The following AHCTF1 variants were observed in gnomAD, a reference collection of about 807,000 sequenced individuals.
The protein encoded by AHCTF1 is protein ELYS.
Under a neutral mutation model 248.4 loss-of-function variants are expected in AHCTF1, and 24 were observed. The observed-to-expected ratio is 0.10, with a 90% CI of 0.07 to 0.14. The LOEUF (loss-of-function observed/expected upper bound fraction) is 0.14. Ranked by LOEUF, AHCTF1 falls within the 10% of genes least tolerant of loss-of-function variation. The probability of loss-of-function intolerance (pLI) is 1.00; values close to 1 mark genes in which losing one functional copy is unlikely to be tolerated. For synonymous variants in AHCTF1, 786 were observed against 929.8 expected (o/e 0.85, Z 2.81); for missense variants, 2,206 against 2,636.2 (o/e 0.84, Z 3.57).
At position 246,849,880 on chromosome 1, in the gene AHCTF1, C is replaced by G; in HGVS notation, c.6126G>C (p.Met2042Ile). 1 of 1,613,934 alleles carries G rather than the reference C, an allele frequency of 6.2e-7. No individual in the cohort carries two copies. The highest frequency in any genetic ancestry group is 8.5e-7 in the Non-Finnish European group (1 of 1,179,864). ...TTTTTGTAAGTTTTTTCTTAGAGCT[C>G]ATCACCATCGAAAGTTCCTCGTTTG... is the stretch of plus-strand genomic sequence containing the variant. ...LVPNEELSMV[M>I]SSKKKLTKKT... Residue 2042 changes from methionine to isoleucine, a missense_variant, in exon 33 of 36, where the codon ATG (methionine) becomes ATC (isoleucine). Physicochemically the swap from Met to Ile is conservative, Grantham distance 10. Transcript: ENST00000648844.
At position 246,842,683 on chromosome 1, in the gene AHCTF1, G is replaced by A; in HGVS notation, c.6608+11C>T. On this transcript the variant is annotated intron_variant, in intron 35 of 35. Transcript: ENST00000648844. ...CAATCAATCAATCAAGAACAGAACA[G>A]AAAGTCATACTTGCTTGCTTGTTTT... is the stretch of plus-strand genomic sequence containing the variant. 6.2e-7 allele frequency: 1 copy of A among 1,611,692 alleles called. No homozygotes were observed.
chr1:246,920,164 A>AAAAAG (rs1666434485), intron 1 of AHCTF1, among the ~76,000 whole-genome samples: 2 of 149,448 alleles, frequency 1.3e-5, no homozygotes, highest in East Asian at 1.9e-4. Flanking sequence ...AAAAAAAAAA[A>AAAAAG]AAAAGAAAAG....
rs139206093 is a variant in AHCTF1 at position 246,880,791 on chromosome 1, T to A, written c.2661-3489A>T. Among the ~76,000 whole-genome samples, 86 of 152,296 alleles carry A rather than the reference T, an allele frequency of 5.6e-4. 1 individual carries two copies. In the East Asian group the frequency reaches 0.016, roughly 29 times the overall value. ...ACTTCAAGAAATCCATTGCCAACAT[T>A]TAACAAATGTTTTAAAACAAAGTCT... is the stretch of plus-strand genomic sequence containing the variant. On this transcript the variant is annotated intron_variant, in intron 21 of 35. Transcript: ENST00000648844.
At chr1:246,856,878 C>T (rs7525627) in intron 30 of AHCTF1, among the ~76,000 whole-genome samples, 29,544 of 152,070 alleles carry the variant, frequency 0.19, 3,250 homozygotes, top group East Asian at 0.43. Flanking sequence ...TATAAAGTAA[C>T]GAACCATTTA....
At chr1:246,891,571 A>G (rs1255875526) in intron 15 of AHCTF1, among the ~76,000 whole-genome samples, 1 of 152,208 alleles carries the variant, frequency 6.6e-6, no homozygotes, top group African/African-American at 2.4e-5. Flanking sequence ...AGAATTTCCC[A>G]AGCTTATTTA....
At position 246,853,114 on chromosome 1, in the gene AHCTF1, G is replaced by A; in HGVS notation, c.4540C>T (p.Pro1514Ser). The A allele has an allele frequency of 3.1e-6, 5 of 1,609,402 alleles. No homozygotes were observed. The highest frequency in any genetic ancestry group is 2.2e-5 in the East Asian group (1 of 44,844). ...ACATGAATTTCTTGAGTATCAGGAG[G>A]GCTGTCAGAAATTGGAAGCTTTTCT... ...PEEKLPISDS[P>S]PDTQEIHVIE... Residue 1514 changes from proline to serine, a missense_variant, in exon 32 of 36, where the codon CCT becomes TCT. Transcript: ENST00000648844.
At position 246,850,686 on chromosome 1, in the gene AHCTF1, T is replaced by C; in HGVS notation, c.5320A>G (p.Lys1774Glu). The change falls in exon 33 of 36, where the codon AAG (lysine) becomes GAG (glutamate). Residue 1774 changes from lysine to glutamate, a missense_variant. Lys to Glu is a moderately conservative substitution (Grantham distance 56, BLOSUM62 1). This residue lies in a region of AHCTF1 where 955 missense variants were observed against 1,055.6 expected (regional missense o/e 0.90). Coordinates refer to ENST00000648844, the MANE Select transcript of AHCTF1 (RefSeq NM_001323342.2). The part of the protein sequence containing the change: ...TPKMPGQSVR[K>E]KTRKAKEISE... The stretch of plus-strand genomic sequence containing the variant: ...ATTTCTTTTGCCTTCCTAGTTTTCT[T>C]CCTGACTGACTGCCCTGGCATCTTA... 1 of 1,614,012 alleles carries C rather than the reference T, an allele frequency of 6.2e-7. No individual in the cohort carries two copies. Among genetic ancestry groups the C allele is most frequent in the Non-Finnish European group, 8.5e-7 (1 of 1,179,884 alleles).
At chr1:246,898,472 C>A (rs1664759503) in intron 11 of AHCTF1, 136 bp from the exon 12 acceptor site, 2 of 978,904 alleles carry the variant, frequency 2.0e-6, no homozygotes, top group East Asian at 2.7e-5. Flanking sequence ...ATATTTCCTG[C>A]AAGAAACAGA....
chr1:246,869,790 G>C (rs1369737309), intron 24 of AHCTF1, among the ~76,000 whole-genome samples: 1 of 152,114 alleles, frequency 6.6e-6, no homozygotes, highest in Non-Finnish European at 1.5e-5. Flanking sequence ...ATGATGTACA[G>C]GGAGACGAAT....
intron 1 of AHCTF1, among the ~76,000 whole-genome samples, chr1:246,923,422 TAAATA>T (rs1281641127): frequency 1.4e-5 from 2 of 147,982 alleles, no homozygotes; most frequent in Non-Finnish European, 2.9e-5. Flanking sequence ...CAAAAATAAA[TAAATA>T]AATACATAAA....
rs1258056869 is a variant in AHCTF1, at chr1:246,900,319, A to G, written c.1250+18T>C. 6 of 1,575,098 alleles carry G rather than the reference A, an allele frequency of 3.8e-6. No homozygotes were observed. The highest frequency in any genetic ancestry group is 1.4e-5 in the African/African-American group (1 of 72,212). On this transcript the variant is annotated intron_variant, in intron 9 of 35. Coordinates refer to ENST00000648844, the MANE Select transcript of AHCTF1 (RefSeq NM_001323342.2). ...ACAAATACAAAGAGAAAGGAGAGAG[A>G]AAAAAAAAGAATCATACCTTAACGA... is the stretch of plus-strand genomic sequence containing the variant.
intron 17 of AHCTF1, among the ~76,000 whole-genome samples, chr1:246,889,615 C>A (rs183185973): frequency 6.6e-6 from 1 of 150,964 alleles, no homozygotes; most frequent in African/African-American, 2.5e-5. Context: ...GTACTGATTC[C>A]CAGGTGATTC....
At chr1:246,923,270 C>T (rs986752424) in intron 1 of AHCTF1, among the ~76,000 whole-genome samples, 5 of 151,976 alleles carry the variant, frequency 3.3e-5, no homozygotes, top group African/African-American at 1.2e-4. Flanking sequence ...CAAAAATTAG[C>T]TGGGCATGGT....
At chr1:246,842,903 T>C in intron 34 of AHCTF1, 127 bp from the exon 35 acceptor site, 1 of 733,128 alleles carries the variant, frequency 1.4e-6, no homozygotes, top group Non-Finnish European at 2.3e-6. Context: ...CAAAATTGAC[T>C]CCTTTTCTCA....
intron 25 of AHCTF1, 25 bp from the exon 26 acceptor site, chr1:246,867,376 T>A: frequency 5.5e-6 from 8 of 1,450,558 alleles, no homozygotes; most frequent in Non-Finnish European, 7.5e-6. Context: ...ATTTAACTTC[T>A]GATGTATCAC....
intron 21 of AHCTF1, among the ~76,000 whole-genome samples, chr1:246,885,093 T>C (rs1663721770): frequency 6.6e-6 from 1 of 152,234 alleles, no homozygotes; most frequent in Non-Finnish European, 1.5e-5. Context: ...GGTATTTATC[T>C]TATTCTAGAT....
chr1:246,889,903 G>A, intron 17 of AHCTF1, 63 bp downstream of exon 17: 1 of 1,226,032 alleles, frequency 8.2e-7, no homozygotes, highest in Non-Finnish European at 1.2e-6. Context: ...GTAAAACGAT[G>A]AACACTATTC....
At chr1:246,847,159 A>G (rs1430660974) in intron 33 of AHCTF1, among the ~76,000 whole-genome samples, 1 of 151,836 alleles carries the variant, frequency 6.6e-6, no homozygotes. Flanking sequence ...CGTGGTGGCA[A>G]GCACCTGTAA....
intron 24 of AHCTF1, among the ~76,000 whole-genome samples, chr1:246,868,389 G>A (rs1383836392): frequency 6.9e-6 from 1 of 145,604 alleles, no homozygotes; most frequent in Non-Finnish European, 1.5e-5. Context: ...CCAAAGTGCT[G>A]GGATTACAGG....
Sources: gnomAD v4.1 joint callset for allele counts (sites outside exome capture counted in the v4.1 genomes callset) on GRCh38, gnomAD v4.1.1 for gene constraint, gnomAD v4.1.1 regional missense constraint, MANE v1.5 for transcripts, NCBI Gene and HGNC (gene_info 2026-07-23, HGNC 2026-07-21) for gene names.